EPSTI1: variants seen among roughly 807,000 people sequenced by gnomAD.
The protein encoded by EPSTI1 is epithelial-stromal interaction protein 1.
A neutral mutation model predicts 49.9 loss-of-function variants in EPSTI1; 66 were observed. The observed-to-expected ratio is 1.32, with a 90% CI of 1.08 to 1.62. The LOEUF (loss-of-function observed/expected upper bound fraction) is 1.62, where lower values mean the gene tolerates loss of function less well. EPSTI1 is among the 40% of genes most tolerant of loss of function. The pLI is 0.00. For missense variants in EPSTI1, 394 were observed against 365.5 expected (o/e 1.08, Z -0.64); for synonymous variants, 137 against 130.7 (o/e 1.05, Z -0.33).
At chr13:42,942,202 TTTATAGATA>T (rs1471238121) in intron 6 of EPSTI1, among the ~76,000 whole-genome samples, 1 of 152,190 alleles carries the variant, frequency 6.6e-6, no homozygotes, top group Admixed American at 6.5e-5. Context: ...TTCAACTCGA[TTTATAGATA>T]TTCTTTGTAA....
At chr13:42,890,920 A>G (rs915742696) in intron 10 of EPSTI1, among the ~76,000 whole-genome samples, 1 of 152,118 alleles carries the variant, frequency 6.6e-6, no homozygotes, top group Non-Finnish European at 1.5e-5. Flanking sequence ...TTTCCCTTCT[A>G]TTCCTAGTTT....
chr13:42,916,156 T>A (rs2037823624), intron 8 of EPSTI1, among the ~76,000 whole-genome samples: 1 of 152,056 alleles, frequency 6.6e-6, no homozygotes, highest in African/African-American at 2.4e-5. Context: ...AAGTACAACA[T>A]GACTATGTAC....
intron 6 of EPSTI1, among the ~76,000 whole-genome samples, chr13:42,946,715 C>A (rs979994310): frequency 3.9e-5 from 6 of 152,178 alleles, no homozygotes; most frequent in African/African-American, 1.4e-4. Flanking sequence ...CCACAGGTAG[C>A]CTGTGTTTCT....
At chr13:42,944,275 C>T (rs777703286) in intron 6 of EPSTI1, among the ~76,000 whole-genome samples, 26 of 152,280 alleles carry the variant, frequency 1.7e-4, no homozygotes, top group Non-Finnish European at 3.8e-4. Context: ...AACCCAAATG[C>T]CCATCAATGT....
At chr13:42,913,106 G>GA (rs936444872) in intron 8 of EPSTI1, among the ~76,000 whole-genome samples, 16 of 144,254 alleles carry the variant, frequency 1.1e-4, no homozygotes, top group South Asian at 4.5e-4. Context: ...GTGGAGAGAA[G>GA]AAAAAAAACA....
chr13:42,887,102 A>G lies in EPSTI1; in HGVS notation c.*1392T>C, dbSNP rs898381175. ...CAATCAGTTTGGTGATATTTCCAAC[A>G]CAGGCTGGGGGATTGAGTTTCCCCC... is the stretch of plus-strand genomic sequence containing the variant. On this transcript the variant is annotated 3_prime_UTR_variant, in exon 11 of 11. Transcript: ENST00000313624. 1 of 152,254 alleles carries G rather than the reference A, an allele frequency of 6.6e-6. No homozygotes were observed. The highest frequency in any genetic ancestry group is 1.5e-5 in the Non-Finnish European group (1 of 68,046). 9.4% of individuals were successfully genotyped at this position (152,254 alleles called of 1,614,324 possible).
chr13:42,948,441 T>G (rs1320900780), intron 6 of EPSTI1, among the ~76,000 whole-genome samples: 1 of 146,638 alleles, frequency 6.8e-6, no homozygotes, highest in Non-Finnish European at 1.5e-5. Context: ...TTTTTTTTTT[T>G]GCTGTTTGTT....
At chr13:42,960,202 A>C (rs934329066) in intron 5 of EPSTI1, among the ~76,000 whole-genome samples, 1 of 152,112 alleles carries the variant, frequency 6.6e-6, no homozygotes, top group African/African-American at 2.4e-5. Flanking sequence ...AGGCAGAATA[A>C]GATGAACCCA....
intron 8 of EPSTI1, among the ~76,000 whole-genome samples, chr13:42,901,534 G>A (rs1322469765): frequency 1.3e-5 from 2 of 152,000 alleles, no homozygotes; most frequent in Non-Finnish European, 2.9e-5. Context: ...CACTCAATAA[G>A]CATTTGTTAT....
Position 42,953,984 on chromosome 13 carries a change from T to G in EPSTI1, c.527A>C (p.Asn176Thr). The part of the protein sequence containing the change: ...KLEEKKRLQE[N>T]LRREAFREHQ... Reference sequence around the variant, plus strand: ...CTCTCTAAATGCTTCTCTTCTAAGGTTTTCTTGAAGTCTTTTTTTCTCCTC... The same window carrying G: ...CTCTCTAAATGCTTCTCTTCTAAGGGTTTCTTGAAGTCTTTTTTTCTCCTC... The change falls in exon 6 of 11, where the codon AAC (asparagine) becomes ACC (threonine). Residue 176 changes from asparagine (N) to threonine (T), a missense_variant. By Grantham distance (65) the Asn-to-Thr change is moderately conservative. Coordinates refer to ENST00000313624, the MANE Select transcript of EPSTI1 (RefSeq NM_033255.5). 6.2e-7 allele frequency: 1 copy of G among 1,613,014 alleles called. No individual in the cohort carries two copies. Among genetic ancestry groups the G allele is most frequent in the East Asian group, 2.2e-5 (1 of 44,862 alleles).
intron 6 of EPSTI1, among the ~76,000 whole-genome samples, chr13:42,949,033 C>A (rs1341856234): frequency 6.6e-6 from 1 of 152,148 alleles, no homozygotes; most frequent in East Asian, 1.9e-4. Flanking sequence ...TCATAGACTG[C>A]CCTAACACTA....
intron 5 of EPSTI1, among the ~76,000 whole-genome samples, chr13:42,960,785 T>C (rs532040436): frequency 1.3e-5 from 2 of 152,184 alleles, no homozygotes; most frequent in African/African-American, 4.8e-5. Context: ...CCTTCCTACA[T>C]CTTCAAAGCC....
chr13:42,948,427 T>TTTG (rs1214495390), intron 6 of EPSTI1, among the ~76,000 whole-genome samples: 4 of 142,594 alleles, frequency 2.8e-5, no homozygotes, highest in Non-Finnish European at 3.1e-5. Context: ...GGCTTGTTGT[T>TTTG]TTTTTTTTTT....
chr13:42,980,999 C>A (rs1261670884), intron 1 of EPSTI1, among the ~76,000 whole-genome samples: 1 of 152,154 alleles, frequency 6.6e-6, no homozygotes. Context: ...TCTGCTTTCA[C>A]TAGTACCATA....
rs1245592795 is a variant in EPSTI1 at position 42,887,080 on chromosome 13, T to A, written c.*1414A>T. 1.3e-5 allele frequency: 2 copies of A among 152,200 alleles called. No individual in the cohort carries two copies. Among genetic ancestry groups the A allele is most frequent in the African/African-American group, 4.8e-5 (2 of 41,466 alleles). The allele number at this position is 152,200 out of a possible 1,614,324, so 9.4% of individuals were successfully genotyped here. A position where few individuals can be genotyped will look rare whatever the true frequency, so the allele number is the denominator to read the frequency against. ...GTCTGCTACAGCCGCACATTTACAA[T>A]CAGTTTGGTGATATTTCCAACACAG... On this transcript the variant is annotated 3_prime_UTR_variant, in exon 11 of 11. Transcript: ENST00000313624.
At chr13:42,972,285 G>C (rs540901599) in intron 1 of EPSTI1, among the ~76,000 whole-genome samples, 16 of 152,312 alleles carry the variant, frequency 1.1e-4, no homozygotes, top group South Asian at 2.1e-4. Flanking sequence ...AGGAGGGCTT[G>C]TCCGCGAGCT....
intron 6 of EPSTI1, among the ~76,000 whole-genome samples, chr13:42,936,199 T>C (rs1174750770): frequency 2.6e-5 from 4 of 152,158 alleles, no homozygotes. Context: ...TGTCTAGTCT[T>C]CCCCTCCTCT....
chr13:42,963,523 G>A (rs960581451), intron 4 of EPSTI1, 185 bp from the exon 5 acceptor site: 32 of 582,110 alleles, frequency 5.5e-5, no homozygotes, highest in Non-Finnish European at 9.0e-5. Context: ...TTCTGCCCGT[G>A]AAATTTCTGT....
At chr13:42,972,727 G>A (rs2039795904) in intron 1 of EPSTI1, among the ~76,000 whole-genome samples, 1 of 152,146 alleles carries the variant, frequency 6.6e-6, no homozygotes, top group African/African-American at 2.4e-5. Context: ...AGTGAGGGGA[G>A]ATTCCAGAAC....
Sources: allele counts gnomAD v4.1 joint callset (sites outside exome capture counted in the v4.1 genomes callset), GRCh38; gene constraint gnomAD v4.1.1; transcripts MANE v1.5; gene names NCBI Gene and HGNC (gene_info 2026-07-23, HGNC 2026-07-21).